SLC14A2: variants seen among roughly 807,000 people sequenced by gnomAD.
SLC14A2 encodes the protein urea transporter 2.
In SLC14A2, 91 loss-of-function variants were observed where a neutral mutation model predicts 104.6. The observed-to-expected ratio is 0.87, with a 90% CI of 0.73 to 1.04. The LOEUF (loss-of-function observed/expected upper bound fraction) is 1.04. Among genes scored for constraint, SLC14A2 ranks in the 50% least tolerant of loss-of-function variants. SLC14A2 has a pLI of 0.00. For missense variants in SLC14A2, 1,189 were observed against 1,156.0 expected, an observed-to-expected ratio of 1.03 and a Z score of -0.41; for synonymous variants, 476 against 466.4, an observed-to-expected ratio of 1.02 and a Z score of -0.27.
chr18:45,454,252 T>C (rs1222780611), intron 1 of SLC14A2, among the ~76,000 whole-genome samples: 1 of 152,222 alleles, frequency 6.6e-6, no homozygotes, highest in Non-Finnish European at 1.5e-5. Context: ...TTCCTTTTTT[T>C]TAACATGAGG....
At position 45,632,242 on chromosome 18, in the gene SLC14A2, T is replaced by C. The variant is rs373704151; in HGVS notation, c.522-108T>C. 19 of 1,414,236 alleles carry C rather than the reference T, an allele frequency of 1.3e-5. No individual in the cohort carries two copies. The Admixed American group carries it at 2.3e-4, about 17-fold the overall frequency. The allele number at this position is 1,414,236 out of a possible 1,614,324, so 87.6% of individuals were successfully genotyped here. ...AGCGAACTGACTTTTTTCTAAGCATTATTATTAAAGGAATCATCTAAATTA... is the reference window on the plus strand; with the variant it reads ...AGCGAACTGACTTTTTTCTAAGCATCATTATTAAAGGAATCATCTAAATTA... On this transcript the variant is annotated intron_variant, in intron 4 of 19. Coordinates refer to ENST00000255226, the MANE Select transcript of SLC14A2 (RefSeq NM_007163.4).
In SLC14A2 at chr18:45,624,678, A is replaced by T. The variant is rs1206644560; in HGVS notation, c.14A>T (p.His5Leu). The T allele has an allele frequency of 2.5e-6, 4 of 1,611,574 alleles. No individual in the cohort carries two copies. In the African/African-American group the frequency reaches 5.3e-5, roughly 22 times the overall value. MSDP[H>L]SSPLLPEPLS... The stretch of plus-strand genomic sequence containing the variant: ...TGACCCGAAGGAATGTCTGACCCCC[A>T]CAGCAGTCCTCTCCTGCCAGAGCCA... Residue 5 changes from histidine (H) to leucine (L), a missense_variant, in exon 2 of 20, where the codon CAC (histidine) becomes CTC (leucine). His to Leu is a moderately conservative substitution (Grantham distance 99, BLOSUM62 -3). Coordinates refer to ENST00000255226, the MANE Select transcript of SLC14A2 (RefSeq NM_007163.4).
chr18:45,338,481 G>T (rs1277729315), intron 1 of SLC14A2, among the ~76,000 whole-genome samples: 1 of 151,994 alleles, frequency 6.6e-6, no homozygotes. Context: ...GATTACAGGT[G>T]TGAACCACTG....
At chr18:45,202,788 A>G in the SLC14A2 span, among the ~76,000 whole-genome samples, 3 of 152,196 alleles carry the variant, frequency 2.0e-5, no homozygotes, top group Admixed American at 2.0e-4. Context: ...AACATTTAAC[A>G]TAGCCAATTA....
chr18:45,455,525 A>T lies in SLC14A2; in HGVS notation c.-124-27708A>T, dbSNP rs527812481. The stretch of plus-strand genomic sequence containing the variant: ...GGGGGGCTAGGGGAAGGACAGCATT[A>T]GGAGAAATAACTAATGTAGGTGATG... On this transcript the variant is annotated intron_variant, in intron 1 of 20. Transcript: ENST00000586448. 2.0e-5 allele frequency among the ~76,000 whole-genome samples: 3 copies of T among 152,278 alleles called. No homozygotes were observed. The South Asian group carries it at 6.2e-4, about 32-fold the overall frequency.
At chr18:45,670,900 C>T (rs571588956) in intron 16 of SLC14A2, among the ~76,000 whole-genome samples, 1 of 152,220 alleles carries the variant, frequency 6.6e-6, no homozygotes, top group African/African-American at 2.4e-5. Flanking sequence ...TGGCCTCAAG[C>T]GATCATGCCA....
chr18:45,482,084 A>G (rs2087504728), intron 1 of SLC14A2, among the ~76,000 whole-genome samples: 1 of 152,194 alleles, frequency 6.6e-6, no homozygotes, highest in Non-Finnish European at 1.5e-5. Flanking sequence ...ACAGAAAGTG[A>G]TTGGGGAATA....
intron 1 of SLC14A2, among the ~76,000 whole-genome samples, chr18:45,394,884 G>C (rs377347216): frequency 6.6e-6 from 1 of 152,104 alleles, no homozygotes; most frequent in African/African-American, 2.4e-5. Flanking sequence ...ATGTAAAATG[G>C]TGCGGTCACT....
chr18:45,577,914 T>C (rs2044437395), intron 2 of SLC14A2, among the ~76,000 whole-genome samples: 1 of 152,164 alleles, frequency 6.6e-6, no homozygotes, highest in African/African-American at 2.4e-5. Context: ...AAATTATTCT[T>C]TGGGGAGTAA....
chr18:45,201,762 C>G, the SLC14A2 span, among the ~76,000 whole-genome samples: 5 of 152,134 alleles, frequency 3.3e-5, no homozygotes, highest in African/African-American at 7.2e-5. Flanking sequence ...TTTACTCACT[C>G]TCACTTATGA....
intron 2 of SLC14A2, among the ~76,000 whole-genome samples, chr18:45,491,853 G>T (rs561618279): frequency 6.6e-6 from 1 of 152,318 alleles, no homozygotes; most frequent in African/African-American, 2.4e-5. Flanking sequence ...GGTCACCAAG[G>T]ACCACTGGGG....
intron 1 of SLC14A2, among the ~76,000 whole-genome samples, chr18:45,409,310 G>A (rs1178860141): frequency 6.6e-6 from 1 of 152,116 alleles, no homozygotes; most frequent in African/African-American, 2.4e-5. Flanking sequence ...TACTATTCTT[G>A]TTTTTATTAT....
At chr18:45,315,436 A>T (rs558732011) in intron 1 of SLC14A2, among the ~76,000 whole-genome samples, 15 of 152,320 alleles carry the variant, frequency 9.8e-5, no homozygotes, top group African/African-American at 3.6e-4. Flanking sequence ...GAACACTACC[A>T]TCTGAATATT....
chr18:45,468,479 A>T lies in SLC14A2; in HGVS notation c.-124-14754A>T, dbSNP rs1252911980. ...CAACAAGCAGAAGCTAGGCAGTCTG[A>T]CCTCCCTTGTGCCAGTGACATACTG... On this transcript the variant is annotated intron_variant, in intron 1 of 20. Coordinates refer to the SLC14A2 transcript ENST00000586448. 2.0e-5 allele frequency among the ~76,000 whole-genome samples: 3 copies of T among 151,600 alleles called. No homozygotes were observed. In the East Asian group the frequency reaches 5.9e-4, roughly 30 times the overall value.
chr18:45,617,212 C>G (rs2045088295), intron 1 of SLC14A2, among the ~76,000 whole-genome samples: 1 of 152,202 alleles, frequency 6.6e-6, no homozygotes. Flanking sequence ...TCTCCCCCAC[C>G]TCATCTCACA....
At chr18:45,392,862 CA>C (rs1006050583) in intron 1 of SLC14A2, among the ~76,000 whole-genome samples, 20 of 152,200 alleles carry the variant, frequency 1.3e-4, no homozygotes, top group Non-Finnish European at 2.6e-4. Flanking sequence ...GGTTTTTCTT[CA>C]TAGGCTCCTT....
At chr18:45,451,526 G>A (rs1234831983) in intron 1 of SLC14A2, among the ~76,000 whole-genome samples, 1 of 151,936 alleles carries the variant, frequency 6.6e-6, no homozygotes, top group East Asian at 1.9e-4. Flanking sequence ...TTATTTAAAA[G>A]AGGGGAAGAA....
chr18:45,263,233 A>G (rs1019511359), intron 1 of SLC14A2, among the ~76,000 whole-genome samples: 4 of 152,066 alleles, frequency 2.6e-5, no homozygotes, highest in South Asian at 2.1e-4. Context: ...ATATTCCTCA[A>G]TGTGAGGGCG....
chr18:45,318,954 A>T (rs566858982), intron 1 of SLC14A2, among the ~76,000 whole-genome samples: 3 of 152,098 alleles, frequency 2.0e-5, no homozygotes, highest in African/African-American at 4.8e-5. Context: ...TGTCAAAGGG[A>T]CTAGAGAATC....
Sources: gnomAD v4.1 joint callset for allele counts (sites outside exome capture counted in the v4.1 genomes callset) on GRCh38, gnomAD v4.1.1 for gene constraint, MANE v1.5 for transcripts, NCBI Gene and HGNC (gene_info 2026-07-23, HGNC 2026-07-21) for gene names.